Variants in KCNH5 observed in about 807,000 individuals in gnomAD.
KCNH5 encodes the protein voltage-gated delayed rectifier potassium channel KCNH5.
In KCNH5, 46 loss-of-function variants were observed where a neutral mutation model predicts 96.1. The observed-to-expected ratio is 0.48, with a 90% CI of 0.38 to 0.61. The LOEUF is 0.61. Among genes scored for constraint, KCNH5 ranks in the 20% least tolerant of loss-of-function variants. KCNH5 has a pLI of 0.00. For missense variants in KCNH5, 907 were observed against 1,225.8 expected (o/e 0.74, Z 3.88); for synonymous variants, 439 against 449.8 (o/e 0.98, Z 0.30).
chr14:62,978,335 A>C lies in KCNH5; in HGVS notation c.942+2537T>G, dbSNP rs77848183. 1.1e-3 allele frequency among the ~76,000 whole-genome samples: 174 copies of C among 152,296 alleles called. 2 individuals carry two copies. The highest frequency in any genetic ancestry group is 9.1e-3 in the East Asian group (47 of 5,186). On this transcript the variant is annotated intron_variant, in intron 6 of 10. Transcript: ENST00000322893. ...TGCCGCTGACCGTACTCCACACAGCACGTGTTGATGAAAGGAGATTTGAGC... is the reference window on the plus strand; with the variant it reads ...TGCCGCTGACCGTACTCCACACAGCCCGTGTTGATGAAAGGAGATTTGAGC...
At chr14:62,766,444 T>C (rs1885862474) in intron 10 of KCNH5, among the ~76,000 whole-genome samples, 1 of 152,128 alleles carries the variant, frequency 6.6e-6, no homozygotes, top group African/African-American at 2.4e-5. Flanking sequence ...CATCAGTAGA[T>C]GAATGCATAA....
intron 7 of KCNH5, among the ~76,000 whole-genome samples, chr14:62,850,619 A>G (rs943530197): frequency 6.6e-6 from 1 of 152,096 alleles, no homozygotes; most frequent in Non-Finnish European, 1.5e-5. Context: ...CCTCCTCCTC[A>G]ATCCATAATT....
At chr14:62,904,318 T>C (rs1267843406) in intron 7 of KCNH5, among the ~76,000 whole-genome samples, 13 of 152,240 alleles carry the variant, frequency 8.5e-5, no homozygotes, top group Admixed American at 8.5e-4. Flanking sequence ...GTCTCCACGC[T>C]AAATTCAGCC....
At chr14:62,723,794 A>G (rs1411413188) in intron 10 of KCNH5, among the ~76,000 whole-genome samples, 1 of 152,258 alleles carries the variant, frequency 6.6e-6, no homozygotes, top group Non-Finnish European at 1.5e-5. Context: ...TTTTATCAGA[A>G]TAGTGTAGCT....
chr14:63,020,828 C>T (rs982345870), intron 1 of KCNH5, among the ~76,000 whole-genome samples: 4 of 152,024 alleles, frequency 2.6e-5, no homozygotes, highest in East Asian at 1.9e-4. Context: ...TGGATAACTC[C>T]GTCTGACCAG....
chr14:63,020,414 TAAG>T (rs1033282597), intron 1 of KCNH5, among the ~76,000 whole-genome samples: 3 of 152,090 alleles, frequency 2.0e-5, no homozygotes, highest in Non-Finnish European at 4.4e-5. Context: ...AAATGTCTAT[TAAG>T]AAGAGAATGG....
chr14:63,033,997 G>A (rs1419276062), intron 1 of KCNH5, among the ~76,000 whole-genome samples: 1 of 152,062 alleles, frequency 6.6e-6, no homozygotes, highest in African/African-American at 2.4e-5. Flanking sequence ...TCAGTTCACT[G>A]CAATCTCCAC....
At chr14:63,009,156 T>C (rs779466070) in intron 2 of KCNH5, among the ~76,000 whole-genome samples, 6 of 152,090 alleles carry the variant, frequency 3.9e-5, no homozygotes, top group African/African-American at 9.7e-5. Flanking sequence ...GAATTTATGA[T>C]ATAACAAGCA....
chr14:63,026,260 G>T (rs1402663802), intron 1 of KCNH5, among the ~76,000 whole-genome samples: 1 of 151,976 alleles, frequency 6.6e-6, no homozygotes, highest in Non-Finnish European at 1.5e-5. Flanking sequence ...CTATAAAACT[G>T]CTGGAAGAAA....
intron 6 of KCNH5, among the ~76,000 whole-genome samples, chr14:62,970,939 T>G (rs1020946433): frequency 3.9e-5 from 6 of 151,950 alleles, no homozygotes; most frequent in Non-Finnish European, 5.9e-5. Context: ...AGCTTTCCTA[T>G]TAAGATCAGG....
At chr14:62,927,488 GT>G (rs2140113156) in intron 7 of KCNH5, among the ~76,000 whole-genome samples, 1 of 152,202 alleles carries the variant, frequency 6.6e-6, no homozygotes, top group Admixed American at 6.5e-5. Context: ...GCAACCAAGT[GT>G]CCATCAACAG....
chr14:62,789,664 A>G (rs946055259), intron 9 of KCNH5, among the ~76,000 whole-genome samples: 1 of 151,318 alleles, frequency 6.6e-6, no homozygotes, highest in African/African-American at 2.4e-5. Flanking sequence ...TTTAATTTGC[A>G]CTCCCCTGAT....
At chr14:62,885,383 C>T (rs1263765509) in intron 7 of KCNH5, among the ~76,000 whole-genome samples, 1 of 152,154 alleles carries the variant, frequency 6.6e-6, no homozygotes. Context: ...TCAGTTTTCA[C>T]TATTGACCAG....
chr14:62,919,915 G>A (rs767582820), intron 7 of KCNH5, among the ~76,000 whole-genome samples: 3 of 152,114 alleles, frequency 2.0e-5, no homozygotes, highest in East Asian at 1.9e-4. Context: ...CAGCGAAGGC[G>A]TACCAGAGAG....
intron 8 of KCNH5, among the ~76,000 whole-genome samples, chr14:62,826,371 T>C (rs1191838564): frequency 6.7e-6 from 1 of 150,258 alleles, no homozygotes; most frequent in Non-Finnish European, 1.5e-5. Context: ...GCTTTTATTA[T>C]TGTTGAGATT....
At chr14:63,018,534 A>T (rs961884589) in intron 1 of KCNH5, among the ~76,000 whole-genome samples, 15 of 152,072 alleles carry the variant, frequency 9.9e-5, no homozygotes, top group Non-Finnish European at 1.5e-4. Context: ...CCATCAAGCT[A>T]GAGAAGCTTG....
At chr14:62,979,750 C>T (rs1229117655) in intron 6 of KCNH5, among the ~76,000 whole-genome samples, 1 of 152,144 alleles carries the variant, frequency 6.6e-6, no homozygotes, top group African/African-American at 2.4e-5. Context: ...GGTGTAACAA[C>T]TTAAATATCA....
intron 7 of KCNH5, among the ~76,000 whole-genome samples, chr14:62,911,215 G>T (rs1595680945): frequency 6.6e-6 from 1 of 151,668 alleles, no homozygotes; most frequent in South Asian, 2.1e-4. Flanking sequence ...AATGTTGATG[G>T]TATAAACAAC....
intron 7 of KCNH5, among the ~76,000 whole-genome samples, chr14:62,862,077 A>G (rs1044714382): frequency 1.3e-5 from 2 of 152,186 alleles, no homozygotes; most frequent in African/African-American, 4.8e-5. Flanking sequence ...CCTGCAAGCC[A>G]TTTCTCCAAT....
Sources: allele counts gnomAD v4.1 joint callset (sites outside exome capture counted in the v4.1 genomes callset), GRCh38; gene constraint gnomAD v4.1.1; transcripts MANE v1.5; gene names NCBI Gene and HGNC (gene_info 2026-07-23, HGNC 2026-07-21).